SGCZ: variants seen among roughly 807,000 people sequenced by gnomAD.
SGCZ encodes the protein sarcoglycan zeta.
SGCZ carries 40 observed loss-of-function variants against 41.3 expected under a neutral mutation model. The ratio of observed to expected loss-of-function variants is 0.97; its 90% CI spans 0.75 to 1.26. The LOEUF is 1.26. Among genes scored for constraint, SGCZ ranks in the 50% most tolerant of loss-of-function variants. The pLI is 0.00. For synonymous variants in SGCZ, 206 were observed against 137.5 expected (o/e 1.50, Z -3.49); for missense variants, 552 against 369.8 (o/e 1.49, Z -4.04).
intron 2 of SGCZ, among the ~76,000 whole-genome samples, chr8:14,415,932 T>A (rs1799480349): frequency 6.6e-6 from 1 of 151,970 alleles, no homozygotes; most frequent in South Asian, 2.1e-4. Context: ...TAAGAAAACC[T>A]AATTATTATA....
intron 4 of SGCZ, among the ~76,000 whole-genome samples, chr8:14,175,103 G>A (rs998439028): frequency 1.2e-4 from 18 of 151,904 alleles, no homozygotes; most frequent in Middle Eastern, 3.2e-3. Context: ...TGGGTTGAGG[G>A]GCATATCATT....
At chr8:14,642,925 T>A (rs1333866942) in intron 1 of SGCZ, among the ~76,000 whole-genome samples, 4 of 151,498 alleles carry the variant, frequency 2.6e-5, no homozygotes, top group Non-Finnish European at 5.9e-5. Context: ...CTTAAAAGGG[T>A]AGAGATTTCT....
chr8:14,304,521 C>A (rs1559902), intron 3 of SGCZ, among the ~76,000 whole-genome samples: 2 of 152,132 alleles, frequency 1.3e-5, no homozygotes, highest in African/African-American at 4.8e-5. Context: ...TTGAGACCAG[C>A]GGTCAAGGCT....
At chr8:14,163,673 T>A (rs564554172) in intron 5 of SGCZ, among the ~76,000 whole-genome samples, 1 of 152,148 alleles carries the variant, frequency 6.6e-6, no homozygotes, top group Non-Finnish European at 1.5e-5. Flanking sequence ...GAGTTGAATA[T>A]ATGGAGAGGC....
chr8:14,250,809 G>T (rs567644229), intron 3 of SGCZ, among the ~76,000 whole-genome samples: 12 of 152,280 alleles, frequency 7.9e-5, no homozygotes, highest in Admixed American at 1.3e-4. Flanking sequence ...TCCCTGTAGT[G>T]CCCTGACAAC....
At chr8:14,715,984 T>G (rs774774939) in intron 1 of SGCZ, among the ~76,000 whole-genome samples, 1 of 152,136 alleles carries the variant, frequency 6.6e-6, no homozygotes, top group East Asian at 1.9e-4. Context: ...CTAAAATTTA[T>G]GGCACTAGTA....
At chr8:14,894,261 G>T (rs777406925) in intron 1 of SGCZ, among the ~76,000 whole-genome samples, 4 of 151,894 alleles carry the variant, frequency 2.6e-5, no homozygotes, top group Admixed American at 6.6e-5. Flanking sequence ...ATTAAGTTAA[G>T]CAACTATAGT....
chr8:14,323,490 T>A (rs937246654), intron 3 of SGCZ, among the ~76,000 whole-genome samples: 1 of 152,074 alleles, frequency 6.6e-6, no homozygotes, highest in Non-Finnish European at 1.5e-5. Context: ...CCAAGAATAT[T>A]TACTGCCTTC....
In SGCZ at chr8:15,046,278, A is replaced by G. The variant is rs912110096; in HGVS notation, c.39+191307T>C. ...ACGAGTAAGTGCTAGATAAACAAGT[A>G]TTTGAGTTATTAGTAAAACAAATAT... is the stretch of plus-strand genomic sequence containing the variant. On this transcript the variant is annotated intron_variant, in intron 1 of 7. Coordinates refer to ENST00000382080, the MANE Select transcript of SGCZ (RefSeq NM_139167.4). Among the ~76,000 whole-genome samples, 12 of 152,244 alleles carry G rather than the reference A, an allele frequency of 7.9e-5. No homozygotes were observed. In the East Asian group the frequency reaches 1.7e-3, roughly 22 times the overall value.
intron 5 of SGCZ, among the ~76,000 whole-genome samples, chr8:14,151,298 A>G (rs922267166): frequency 1.3e-5 from 2 of 152,120 alleles, no homozygotes; most frequent in African/African-American, 2.4e-5. Flanking sequence ...ATATATATGC[A>G]TACTATATGC....
intron 1 of SGCZ, among the ~76,000 whole-genome samples, chr8:14,871,759 G>C (rs763878177): frequency 1.3e-5 from 2 of 151,708 alleles, no homozygotes; most frequent in Non-Finnish European, 2.9e-5. Context: ...AGCTGAGTTT[G>C]CACCACTGCA....
chr8:14,248,572 A>G (rs956994493), intron 3 of SGCZ, among the ~76,000 whole-genome samples: 1 of 152,182 alleles, frequency 6.6e-6, no homozygotes, highest in Non-Finnish European at 1.5e-5. Context: ...TTTTTAAAGG[A>G]CATCATATTT....
At chr8:14,190,712 C>G (rs1196203413) in intron 4 of SGCZ, among the ~76,000 whole-genome samples, 3 of 152,028 alleles carry the variant, frequency 2.0e-5, no homozygotes, top group Non-Finnish European at 4.4e-5. Flanking sequence ...ACACCATTCT[C>G]CTGCCTCAGC....
At chr8:14,516,751 T>A (rs1585620988) in intron 2 of SGCZ, among the ~76,000 whole-genome samples, 1 of 152,148 alleles carries the variant, frequency 6.6e-6, no homozygotes, top group African/African-American at 2.4e-5. Flanking sequence ...CTATGGAGAC[T>A]GGGAACACCT....
At chr8:14,854,491 T>A (rs1027061887) in intron 1 of SGCZ, among the ~76,000 whole-genome samples, 4 of 152,128 alleles carry the variant, frequency 2.6e-5, no homozygotes, top group African/African-American at 9.6e-5. Context: ...CAACTAAATA[T>A]TAAGGCACTT....
At chr8:14,333,463 T>G (rs1410788212) in intron 2 of SGCZ, among the ~76,000 whole-genome samples, 1 of 152,120 alleles carries the variant, frequency 6.6e-6, no homozygotes, top group Non-Finnish European at 1.5e-5. Context: ...GGTTCACTAT[T>G]AGCATGCTTG....
At chr8:14,968,210 T>C (rs1298526028) in intron 1 of SGCZ, among the ~76,000 whole-genome samples, 1 of 152,166 alleles carries the variant, frequency 6.6e-6, no homozygotes, top group Non-Finnish European at 1.5e-5. Context: ...TCAAGCAATT[T>C]GTGGTATCTC....
intron 2 of SGCZ, among the ~76,000 whole-genome samples, chr8:14,333,190 C>T (rs1802397575): frequency 6.6e-6 from 1 of 151,934 alleles, no homozygotes; most frequent in African/African-American, 2.4e-5. Context: ...TTAAGGTTAC[C>T]TGCTGGGAAC....
chr8:14,718,930 G>A (rs1809789085), intron 1 of SGCZ, among the ~76,000 whole-genome samples: 1 of 148,634 alleles, frequency 6.7e-6, no homozygotes, highest in African/African-American at 2.5e-5. Context: ...GTATACATGT[G>A]CCATGCTGCT....
Sources: gnomAD v4.1 joint callset for allele counts (sites outside exome capture counted in the v4.1 genomes callset) on GRCh38, gnomAD v4.1.1 for gene constraint, MANE v1.5 for transcripts, NCBI Gene and HGNC (gene_info 2026-07-23, HGNC 2026-07-21) for gene names.